The following CLIC5 variants were observed in gnomAD, a reference collection of about 807,000 sequenced individuals.
The protein encoded by CLIC5 is CLIC family member 5.
CLIC5 carries 20 observed loss-of-function variants against 24.7 expected under a neutral mutation model. That is an observed-to-expected ratio of 0.81 (90% CI 0.57 to 1.18). The LOEUF (loss-of-function observed/expected upper bound fraction) is 1.18, where lower values mean the gene tolerates loss of function less well. Ranked by LOEUF, CLIC5 falls within the 50% of genes most tolerant of loss-of-function variation. The probability of loss-of-function intolerance (pLI) is 0.00; values close to 1 mark genes in which losing one functional copy is unlikely to be tolerated. For missense variants in CLIC5, 341 were observed against 326.1 expected, an observed-to-expected ratio of 1.05 and a Z score of -0.35; for synonymous variants, 159 against 135.6, an observed-to-expected ratio of 1.17 and a Z score of -1.20.
At chr6:46,106,268 C>T in the CLIC5 span, among the ~76,000 whole-genome samples, 1 of 151,822 alleles carries the variant, frequency 6.6e-6, no homozygotes, top group Non-Finnish European at 1.5e-5. Context: ...CCACCATGCC[C>T]AGCTAATTTT....
At chr6:45,938,029 A>C (rs981717178) in intron 4 of CLIC5, among the ~76,000 whole-genome samples, 1 of 152,114 alleles carries the variant, frequency 6.6e-6, no homozygotes, top group Non-Finnish European at 1.5e-5. Flanking sequence ...GAGGGGAGGG[A>C]GGGCTCTGCT....
At position 46,059,481 on chromosome 6, in the gene CLIC5, C is replaced by T. The variant is rs554406585; in HGVS notation, c.540+20222G>A. Among the ~76,000 whole-genome samples the T allele has an allele frequency of 3.9e-5, 6 of 152,264 alleles. No individual in the cohort carries two copies. In the South Asian group the frequency reaches 8.3e-4, roughly 21 times the overall value. On this transcript the variant is annotated intron_variant, in intron 1 of 5. Transcript: ENST00000185206. ...TTTTGCCTCTTTCATGTACAAATAGCCTGAAGAATTGAGTGGCAGTGATAT... is the reference window on the plus strand; with the variant it reads ...TTTTGCCTCTTTCATGTACAAATAGTCTGAAGAATTGAGTGGCAGTGATAT...
At chr6:45,893,448 T>G (rs1762369770) in intron 6 of CLIC5, among the ~76,000 whole-genome samples, 1 of 152,174 alleles carries the variant, frequency 6.6e-6, no homozygotes, top group South Asian at 2.1e-4. Flanking sequence ...GTCTTATTTT[T>G]GAGGCCACAG....
intron 4 of CLIC5, 113 bp downstream of exon 4, chr6:45,941,434 G>T: frequency 3.6e-6 from 3 of 833,412 alleles, no homozygotes; most frequent in Non-Finnish European, 6.2e-6. Context: ...AGCAGTATTG[G>T]TTCCAGATGC....
intron 1 of CLIC5, among the ~76,000 whole-genome samples, chr6:45,981,129 C>A (rs1765555785): frequency 6.6e-6 from 1 of 152,004 alleles, no homozygotes; most frequent in Non-Finnish European, 1.5e-5. Flanking sequence ...ACCACCAGGT[C>A]TGGCTAATTT....
chr6:45,939,960 T>G (rs1025910346), intron 4 of CLIC5, among the ~76,000 whole-genome samples: 1 of 152,076 alleles, frequency 6.6e-6, no homozygotes, highest in African/African-American at 2.4e-5. Context: ...ACTTTCCACA[T>G]GCTTCTTCTT....
In CLIC5 at chr6:46,015,473, G is replaced by A; in HGVS notation, c.63+7C>T. ...CAGGTGCGGCGGGAGACTGGACCCC[G>A]ACCTACCTTCACAAAGAGCTCGATC... On this transcript the variant is annotated splice_region_variant and intron_variant, in intron 1 of 5. Transcript: ENST00000339561. 2.0e-6 allele frequency: 3 copies of A among 1,532,296 alleles called. No homozygotes were observed. Among genetic ancestry groups the A allele is most frequent in the Non-Finnish European group, 2.6e-6 (3 of 1,138,762 alleles). 94.9% of individuals were successfully genotyped at this position (1,532,296 alleles called of 1,614,324 possible). A position where few individuals can be genotyped will look rare whatever the true frequency, so the allele number is the denominator to read the frequency against.
intron 6 of CLIC5, among the ~76,000 whole-genome samples, chr6:45,884,142 T>G (rs2127280300): frequency 6.6e-6 from 1 of 152,306 alleles, no homozygotes; most frequent in East Asian, 1.9e-4. Flanking sequence ...ATCCCTCTAC[T>G]TGGCTACTCT....
chr6:45,977,074 T>C (rs1048830951), intron 1 of CLIC5, among the ~76,000 whole-genome samples: 1 of 152,236 alleles, frequency 6.6e-6, no homozygotes, highest in Admixed American at 6.5e-5. Flanking sequence ...TTAAACTATA[T>C]AGTTGATTTA....
chr6:45,896,711 C>A (rs552195827), downstream of CLIC5, among the ~76,000 whole-genome samples: 170 of 152,304 alleles, frequency 1.1e-3, 1 homozygote, highest in South Asian at 5.8e-3. Flanking sequence ...ACTTAGTCTT[C>A]CTCAATACTA....
At chr6:45,963,411 CA>C (rs1264906374) in intron 1 of CLIC5, among the ~76,000 whole-genome samples, 1 of 152,094 alleles carries the variant, frequency 6.6e-6, no homozygotes, top group Admixed American at 6.5e-5. Context: ...AATTTTGGAG[CA>C]TAGGGTCCCT....
At chr6:46,019,443 T>C (rs548105820), upstream of CLIC5, among the ~76,000 whole-genome samples, 163 of 151,940 alleles carry the variant, frequency 1.1e-3, 1 homozygote, top group Middle Eastern at 0.017. Flanking sequence ...TCCCAGCACT[T>C]TGGGAGGCCG....
At chr6:46,111,052 T>A in the CLIC5 span, among the ~76,000 whole-genome samples, 4 of 152,228 alleles carry the variant, frequency 2.6e-5, no homozygotes, top group South Asian at 8.3e-4. Flanking sequence ...TGGTAGTTTT[T>A]TAGTTTTTAC....
intron 6 of CLIC5, among the ~76,000 whole-genome samples, chr6:45,886,456 AC>A (rs1295157935): frequency 6.6e-6 from 1 of 152,140 alleles, no homozygotes; most frequent in Non-Finnish European, 1.5e-5. Flanking sequence ...GGCAATTTAA[AC>A]ATTTTAAGGC....
At chr6:46,084,057 G>A (rs530745878), upstream of CLIC5, among the ~76,000 whole-genome samples, 453 of 152,164 alleles carry the variant, frequency 3.0e-3, 1 homozygote, top group African/African-American at 9.8e-3. Flanking sequence ...TTTGATCTTT[G>A]TTGGTTTAAA....
chr6:46,025,374 T>C (rs1273990854), intron 1 of CLIC5, among the ~76,000 whole-genome samples: 3 of 152,186 alleles, frequency 2.0e-5, no homozygotes, highest in Non-Finnish European at 4.4e-5. Context: ...CACTGCAAAC[T>C]TCAGTATGCG....
At chr6:45,949,524 G>T (rs1314537139) in intron 2 of CLIC5, 143 bp from the exon 3 acceptor site, 2 of 876,838 alleles carry the variant, frequency 2.3e-6, no homozygotes, top group East Asian at 5.4e-5. Flanking sequence ...GCAGTATAGG[G>T]CAGGGGAGGT....
At chr6:45,883,000 A>T (rs1762275978) in intron 6 of CLIC5, among the ~76,000 whole-genome samples, 1 of 152,242 alleles carries the variant, frequency 6.6e-6, no homozygotes. Flanking sequence ...TGGTGTGGCC[A>T]GAAAGTGGTG....
chr6:46,101,919 A>G, the CLIC5 span, among the ~76,000 whole-genome samples: 6 of 152,050 alleles, frequency 3.9e-5, no homozygotes, highest in Non-Finnish European at 5.9e-5. Flanking sequence ...CTGGGGGAAA[A>G]AATATTTTAG....
Sources: gnomAD v4.1 joint callset for allele counts (sites outside exome capture counted in the v4.1 genomes callset) on GRCh38, gnomAD v4.1.1 for gene constraint, MANE v1.5 for transcripts, NCBI Gene and HGNC (gene_info 2026-07-23, HGNC 2026-07-21) for gene names.